ZC3HAV1: variants seen among roughly 807,000 people sequenced by gnomAD.
ZC3HAV1 encodes the protein zinc finger CCCH-type containing, antiviral 1.
ZC3HAV1 carries 41 observed loss-of-function variants against 86.6 expected under a neutral mutation model. The ratio of observed to expected loss-of-function variants is 0.47; its 90% CI spans 0.37 to 0.61. ZC3HAV1 has a LOEUF of 0.61. Ranked by LOEUF, ZC3HAV1 falls within the 20% of genes least tolerant of loss-of-function variation. The pLI, the probability that ZC3HAV1 is intolerant of heterozygous loss-of-function variation, is 0.00. For synonymous variants in ZC3HAV1, 421 were observed against 432.1 expected, an observed-to-expected ratio of 0.97 and a Z score of 0.32; for missense variants, 964 against 1,141.1, an observed-to-expected ratio of 0.84 and a Z score of 2.24.
intron 3 of ZC3HAV1, among the ~76,000 whole-genome samples, chr7:139,082,197 G>A (rs977699952): frequency 4.6e-5 from 7 of 152,112 alleles, no homozygotes; most frequent in East Asian, 1.9e-4. Flanking sequence ...CCCAGGAGGC[G>A]GCCGGCCATT....
At position 139,079,813 on chromosome 7, in the gene ZC3HAV1, C is replaced by G; in HGVS notation, c.1128G>C (p.Val376=). 1 of 1,614,140 alleles carries G rather than the reference C, an allele frequency of 6.2e-7. No homozygotes were observed. Among genetic ancestry groups the G allele is most frequent in the Non-Finnish European group, 8.5e-7 (1 of 1,180,026 alleles). Residue 376 remains valine (V), a synonymous_variant, in exon 4 of 13, where the codon GTG becomes GTC. Coordinates refer to ENST00000242351, the MANE Select transcript of ZC3HAV1 (RefSeq NM_020119.4). The part of the protein sequence containing the change: ...TNDQGARRKT[V]FSPTLPAARS... ...GGGCGGCAGGTAGCGTGGGAGAAAACACAGTCTTTCTCCTGGCGCCTTGGT... is the reference window on the plus strand; with the variant it reads ...GGGCGGCAGGTAGCGTGGGAGAAAAGACAGTCTTTCTCCTGGCGCCTTGGT...
chr7:139,069,645 C>T (rs1399522988), intron 7 of ZC3HAV1, among the ~76,000 whole-genome samples: 1 of 152,170 alleles, frequency 6.6e-6, no homozygotes, highest in Non-Finnish European at 1.5e-5. Context: ...ATACCACACC[C>T]TCTCCCTGCC....
chr7:139,078,044 G>T (rs932553997), intron 5 of ZC3HAV1, among the ~76,000 whole-genome samples: 4 of 152,194 alleles, frequency 2.6e-5, no homozygotes, highest in African/African-American at 9.7e-5. Context: ...TTCAAGACCA[G>T]CCTGGCCAAC....
At chr7:139,088,457 T>C (rs760098733) in intron 2 of ZC3HAV1, among the ~76,000 whole-genome samples, 5 of 152,240 alleles carry the variant, frequency 3.3e-5, no homozygotes, top group Non-Finnish European at 5.9e-5. Context: ...AGGAAACTGC[T>C]TGCCTTCCAT....
At chr7:139,075,632 G>T (rs757619897) in intron 6 of ZC3HAV1, among the ~76,000 whole-genome samples, 15 of 152,166 alleles carry the variant, frequency 9.9e-5, no homozygotes, top group Admixed American at 2.0e-4. Context: ...TAGAGACAGG[G>T]TTTCATCATG....
chr7:139,052,475 C>T (rs1243297692), intron 12 of ZC3HAV1, among the ~76,000 whole-genome samples: 1 of 151,248 alleles, frequency 6.6e-6, no homozygotes, highest in Non-Finnish European at 1.5e-5. Flanking sequence ...CGTGGTGGCA[C>T]ATGCCTGTAA....
intron 1 of ZC3HAV1, among the ~76,000 whole-genome samples, chr7:139,100,506 C>T (rs1161005139): frequency 6.6e-6 from 1 of 152,016 alleles, no homozygotes; most frequent in Non-Finnish European, 1.5e-5. Flanking sequence ...TGCACTCCAG[C>T]CTGGGCGACA....
intron 1 of ZC3HAV1, among the ~76,000 whole-genome samples, chr7:139,091,476 A>T (rs112273128): frequency 0.015 from 2,352 of 152,156 alleles, 35 homozygotes; most frequent in Non-Finnish European, 0.024. Flanking sequence ...TCAAAAAAAT[A>T]AAAAAAGAAA....
intron 4 of ZC3HAV1, chr7:139,079,019 G>A: frequency 2.0e-6 from 3 of 1,494,870 alleles, no homozygotes; most frequent in Non-Finnish European, 1.8e-6. Context: ...TAAGAACTGG[G>A]GAACATCCAA....
intron 3 of ZC3HAV1, among the ~76,000 whole-genome samples, chr7:139,082,573 AT>A (rs1420853192): frequency 6.6e-6 from 1 of 152,212 alleles, no homozygotes; most frequent in Admixed American, 6.5e-5. Context: ...ATTATTCACA[AT>A]AGCCAAACTG....
At chr7:139,058,440 ACCC>A (rs56132797) in intron 9 of ZC3HAV1, among the ~76,000 whole-genome samples, 10,653 of 119,226 alleles carry the variant, frequency 0.089, 497 homozygotes, top group South Asian at 0.18. Flanking sequence ...CTAACCCCCA[ACCC>A]CCCCCCCCCC....
In ZC3HAV1 at chr7:139,083,968, C is replaced by G; in HGVS notation, c.509G>C (p.Arg170Thr). ...QICNQQPPCS[R>T]LHICDHFTRG... ...GGTGAAGTGGTCACAGATGTGGAGT[C>G]TTGAACACGGTGGCTGCTGGTTACA... The change falls in exon 3 of 13, where the codon AGA becomes ACA. Residue 170 changes from arginine to threonine, a missense_variant. Transcript: ENST00000242351. The G allele has an allele frequency of 1.9e-6, 3 of 1,614,114 alleles. No individual in the cohort carries two copies. Among genetic ancestry groups the G allele is most frequent in the Non-Finnish European group, 2.5e-6 (3 of 1,180,016 alleles).
At chr7:139,088,276 G>A (rs966071075) in intron 2 of ZC3HAV1, among the ~76,000 whole-genome samples, 14 of 152,098 alleles carry the variant, frequency 9.2e-5, no homozygotes, top group East Asian at 3.9e-4. Context: ...CATTGTCCCC[G>A]TCTTTCTTCT....
chr7:139,064,509 C>T (rs1290924305), intron 8 of ZC3HAV1, among the ~76,000 whole-genome samples: 9 of 152,188 alleles, frequency 5.9e-5, no homozygotes, highest in African/African-American at 2.2e-4. Flanking sequence ...AAGCCCAAGG[C>T]CTCTACCGTA....
chr7:139,105,032 C>CAAAAAA (rs34053904), intron 1 of ZC3HAV1, among the ~76,000 whole-genome samples: 22 of 72,652 alleles, frequency 3.0e-4, no homozygotes, highest in Non-Finnish European at 4.5e-4. Flanking sequence ...GACTCTGTCT[C>CAAAAAA]AAAAAAAAAA....
At position 139,055,856 on chromosome 7, in the gene ZC3HAV1, C is replaced by A. The variant is rs150429835; in HGVS notation, c.2097-561G>T. Reference sequence around the variant, plus strand: ...ACCATTTGGCAATACTTAATGACATCATGGTTCTAAACAATCATTATCATT... The same window carrying A: ...ACCATTTGGCAATACTTAATGACATAATGGTTCTAAACAATCATTATCATT... On this transcript the variant is annotated intron_variant, in intron 9 of 12. Coordinates refer to ENST00000242351, the MANE Select transcript of ZC3HAV1 (RefSeq NM_020119.4). Among the ~76,000 whole-genome samples the A allele has an allele frequency of 3.4e-3, 519 of 152,270 alleles. 5 individuals are homozygous for A. Among genetic ancestry groups the A allele is most frequent in the African/African-American group, 0.012 (503 of 41,538 alleles).
At chr7:139,074,687 A>T (rs1221556474) in intron 6 of ZC3HAV1, among the ~76,000 whole-genome samples, 2 of 151,582 alleles carry the variant, frequency 1.3e-5, no homozygotes, top group Non-Finnish European at 1.5e-5. Context: ...ATGTAAATAA[A>T]TACACACAGT....
chr7:139,106,739 A>AT (rs957167039), intron 1 of ZC3HAV1, among the ~76,000 whole-genome samples: 7 of 151,918 alleles, frequency 4.6e-5, no homozygotes, highest in Non-Finnish European at 8.8e-5. Context: ...TAAAATTGTA[A>AT]TTTTTTTTAC....
rs373617679 is a variant in ZC3HAV1 at position 139,094,587 on chromosome 7, C to G, written c.309-4828G>C. Among the ~76,000 whole-genome samples the G allele has an allele frequency of 6.8e-4, 103 of 151,832 alleles. No individual in the cohort carries two copies. The South Asian group carries it at 0.019, about 28-fold the overall frequency. On this transcript the variant is annotated intron_variant, in intron 1 of 12. Coordinates refer to ENST00000242351, the MANE Select transcript of ZC3HAV1 (RefSeq NM_020119.4). ...CTCAGGCCAAAAGCCTAAAAACAAA[C>G]GACCTTTTCACTTTTCTCTTCCAGC...
Sources: allele counts gnomAD v4.1 joint callset (sites outside exome capture counted in the v4.1 genomes callset), GRCh38; gene constraint gnomAD v4.1.1; transcripts MANE v1.5; gene names NCBI Gene and HGNC (gene_info 2026-07-23, HGNC 2026-07-21).